Variants in AKAP12 observed in about 807,000 individuals in gnomAD.
AKAP12 encodes A-kinase anchor protein 12.
AKAP12 carries 32 observed loss-of-function variants against 79.9 expected under a neutral mutation model. The ratio of observed to expected loss-of-function variants is 0.40; its 90% confidence interval spans 0.30 to 0.54. AKAP12 has a LOEUF of 0.54. Among genes scored for constraint, AKAP12 ranks in the 20% least tolerant of loss-of-function variants. The pLI is 0.48. For synonymous variants in AKAP12, 808 were observed against 857.0 expected (o/e 0.94, Z 1.00); for missense variants, 2,074 against 2,177.0 (o/e 0.95, Z 0.94).
chr6:151,258,625 C>G (rs989441006), intron 2 of AKAP12, among the ~76,000 whole-genome samples: 3 of 152,126 alleles, frequency 2.0e-5, no homozygotes, highest in Non-Finnish European at 4.4e-5. Context: ...TAAATATCTA[C>G]TAAACTATAT....
chr6:151,289,599 A>T (rs572291429), intron 2 of AKAP12, among the ~76,000 whole-genome samples: 2 of 152,358 alleles, frequency 1.3e-5, no homozygotes, highest in Admixed American at 6.5e-5. Context: ...AGGTCTTGAT[A>T]AGAAGGTTGC....
At position 151,352,912 on chromosome 6, in the gene AKAP12, A is replaced by G; in HGVS notation, c.4521A>G (p.Ser1507=). The G allele has an allele frequency of 6.2e-7, 1 of 1,614,186 alleles. No individual in the cohort carries two copies. Residue 1507 remains serine, a synonymous_variant, in exon 4 of 5, where the codon TCA becomes TCG. Transcript: ENST00000402676. ...SSDLEGEKTT[S]LKWKSDEVDE... ...ACCTGGAAGGAGAGAAAACCACATC[A>G]CTGAAGTGGAAGTCAGATGAAGTCG...
chr6:151,282,361 C>A (rs1280379374), intron 2 of AKAP12, among the ~76,000 whole-genome samples: 2 of 152,034 alleles, frequency 1.3e-5, no homozygotes, highest in Non-Finnish European at 2.9e-5. Context: ...CCACCCACCT[C>A]GGCCTCCCAA....
At chr6:151,297,658 T>C (rs367907550) in intron 2 of AKAP12, among the ~76,000 whole-genome samples, 3 of 151,952 alleles carry the variant, frequency 2.0e-5, no homozygotes, top group South Asian at 2.1e-4. Flanking sequence ...CCATGTTACG[T>C]GTAGCCGTAC....
At chr6:151,260,088 A>G (rs192903341) in intron 2 of AKAP12, among the ~76,000 whole-genome samples, 338 of 152,304 alleles carry the variant, frequency 2.2e-3, no homozygotes, top group Non-Finnish European at 4.0e-3. Flanking sequence ...AGGTGCATAT[A>G]GAAATATAAA....
At chr6:151,282,010 C>G (rs1210309907) in intron 2 of AKAP12, among the ~76,000 whole-genome samples, 1 of 151,642 alleles carries the variant, frequency 6.6e-6, no homozygotes, top group Non-Finnish European at 1.5e-5. Context: ...GCATGACCTC[C>G]CATGCCAGAA....
intron 3 of AKAP12, among the ~76,000 whole-genome samples, chr6:151,332,424 T>C (rs548322059): frequency 1.3e-5 from 2 of 152,316 alleles, no homozygotes; most frequent in Non-Finnish European, 2.9e-5. Flanking sequence ...AAGCTTTCTC[T>C]ACATCTTCTT....
intron 3 of AKAP12, among the ~76,000 whole-genome samples, chr6:151,335,871 G>A (rs1236060672): frequency 1.3e-5 from 2 of 152,102 alleles, no homozygotes; most frequent in Non-Finnish European, 2.9e-5. Context: ...CCCGTCACCG[G>A]AGTGGTGAAC....
In AKAP12 at chr6:151,293,438, G is replaced by T. The variant is rs73615458; in HGVS notation, c.163-12309G>T. 3.1e-3 allele frequency among the ~76,000 whole-genome samples: 465 copies of T among 152,286 alleles called. 4 individuals are homozygous for T. Among genetic ancestry groups the T allele is most frequent in the African/African-American group, 8.0e-3 (334 of 41,566 alleles). On this transcript the variant is annotated intron_variant, in intron 2 of 4. Coordinates refer to ENST00000402676, the MANE Select transcript of AKAP12 (RefSeq NM_005100.4). ...TTCTAACTCTTCACAATAACATTTTGCTTATTTTGCAATTGGAATTTGTGG... is the reference window on the plus strand; with the variant it reads ...TTCTAACTCTTCACAATAACATTTTTCTTATTTTGCAATTGGAATTTGTGG...
At chr6:151,240,180 A>C in intron 1 of AKAP12, 121 bp downstream of exon 1, 1 of 174,598 alleles carries the variant, frequency 5.7e-6, no homozygotes. Context: ...CCTGTTAGAA[A>C]CGGGAGGCGC....
chr6:151,306,098 T>C (rs1170875508), intron 3 of AKAP12, among the ~76,000 whole-genome samples, 195 bp downstream of exon 3: 3 of 152,250 alleles, frequency 2.0e-5, no homozygotes, highest in African/African-American at 7.2e-5. Context: ...ATGTTTCCTT[T>C]TTCTTATCTG....
chr6:151,260,185 T>G (rs1797397260), intron 2 of AKAP12, among the ~76,000 whole-genome samples: 1 of 152,230 alleles, frequency 6.6e-6, no homozygotes, highest in African/African-American at 2.4e-5. Context: ...TTTTGGGCAC[T>G]TACACATGCT....
At chr6:151,245,207 A>G (rs1342753865) in intron 2 of AKAP12, among the ~76,000 whole-genome samples, 1 of 152,194 alleles carries the variant, frequency 6.6e-6, no homozygotes, top group Non-Finnish European at 1.5e-5. Flanking sequence ...AAATGGCATC[A>G]TCCCCCATCT....
chr6:151,251,420 A>G (rs753165101), intron 2 of AKAP12, among the ~76,000 whole-genome samples: 1 of 152,216 alleles, frequency 6.6e-6, no homozygotes, highest in Non-Finnish European at 1.5e-5. Context: ...TATGTTGGCA[A>G]GCATTTTCAC....
chr6:151,347,364 T>C (rs1238777733), intron 3 of AKAP12, among the ~76,000 whole-genome samples: 1 of 152,200 alleles, frequency 6.6e-6, no homozygotes, highest in Non-Finnish European at 1.5e-5. Flanking sequence ...ACTTGTTTGT[T>C]CTTTAGCTTG....
intron 3 of AKAP12, among the ~76,000 whole-genome samples, chr6:151,314,009 A>G (rs1174973649): frequency 6.6e-6 from 1 of 151,922 alleles, no homozygotes; most frequent in Non-Finnish European, 1.5e-5. Context: ...TTTTATAAAA[A>G]TACTTTTATG....
chr6:151,268,595 A>G (rs1002526557), intron 2 of AKAP12, among the ~76,000 whole-genome samples: 6 of 152,190 alleles, frequency 3.9e-5, no homozygotes, highest in African/African-American at 1.4e-4. Context: ...TTCCAATTCT[A>G]TGTAACGTTT....
intron 3 of AKAP12, among the ~76,000 whole-genome samples, chr6:151,308,650 G>A (rs1777026162): frequency 6.6e-6 from 1 of 152,128 alleles, no homozygotes; most frequent in Non-Finnish European, 1.5e-5. Flanking sequence ...CTTACTTTTG[G>A]GGTGAGCTTT....
chr6:151,240,778 G>A (rs1451969720), intron 2 of AKAP12, 54 bp downstream of exon 2: 1 of 1,138,444 alleles, frequency 8.8e-7, no homozygotes, highest in Non-Finnish European at 1.1e-6. Flanking sequence ...TGGGGGTGGG[G>A]GTGGGGGTGG....
Sources: gnomAD v4.1 joint callset for allele counts (sites outside exome capture counted in the v4.1 genomes callset) on GRCh38, gnomAD v4.1.1 for gene constraint, MANE v1.5 for transcripts, NCBI Gene and HGNC (gene_info 2026-07-23, HGNC 2026-07-21) for gene names.